Variants in SRRM4 observed in about 807,000 individuals in gnomAD.
SRRM4 encodes the protein serine/arginine repetitive matrix protein 4.
A neutral mutation model predicts 68.9 loss-of-function variants in SRRM4; 33 were observed. The observed-to-expected ratio is 0.48, with a 90% CI of 0.36 to 0.64. The LOEUF (loss-of-function observed/expected upper bound fraction) is 0.64. SRRM4 is among the 30% of genes least tolerant of loss of function. SRRM4 has a pLI of 0.00. For missense variants in SRRM4, 817 were observed against 827.1 expected, an observed-to-expected ratio of 0.99 and a Z score of 0.15; for synonymous variants, 318 against 318.8, an observed-to-expected ratio of 1.00 and a Z score of 0.03.
intron 1 of SRRM4, among the ~76,000 whole-genome samples, chr12:119,022,843 G>A (rs963271931): frequency 6.6e-6 from 1 of 152,132 alleles, no homozygotes; most frequent in Non-Finnish European, 1.5e-5. Context: ...TTGGTTAATT[G>A]AGCAACTCAA....
At chr12:118,986,454 C>T (rs778630476) in intron 1 of SRRM4, among the ~76,000 whole-genome samples, 7 of 152,226 alleles carry the variant, frequency 4.6e-5, no homozygotes, top group East Asian at 3.9e-4. Context: ...TCTTAGAGAA[C>T]GAGGTTGTGG....
In SRRM4 at chr12:119,156,624, T is replaced by C. The variant is rs1452220207; in HGVS notation, c.1662T>C (p.Ser554=). 1.4e-5 allele frequency: 23 copies of C among 1,602,974 alleles called. 2 individuals are homozygous for C. In the South Asian group the frequency reaches 1.5e-4, roughly 10 times the overall value. Residue 554 remains serine (S), a synonymous_variant, in exon 13 of 13, where the codon AGT becomes AGC. Transcript: ENST00000267260. ...GCCGCAGCTACTCCCGGAGCCGGAG[T>C]CGGAGCCGGAGCCGGAGACGGAGCC... ...SASRSYSRSR[S]RSRSRRRSRT...
intron 1 of SRRM4, among the ~76,000 whole-genome samples, chr12:119,066,000 G>C (rs1953843542): frequency 6.6e-6 from 1 of 152,156 alleles, no homozygotes; most frequent in Admixed American, 6.5e-5. Context: ...TTCAATTCCT[G>C]TCTGCCTTTG....
At chr12:119,024,669 C>G (rs966278339) in intron 1 of SRRM4, among the ~76,000 whole-genome samples, 15 of 152,196 alleles carry the variant, frequency 9.9e-5, no homozygotes, top group Non-Finnish European at 2.2e-4. Context: ...CTGAGCTTCC[C>G]TGGGGCTAAG....
At chr12:119,144,054 C>T (rs1787290572) in intron 8 of SRRM4, among the ~76,000 whole-genome samples, 1 of 152,110 alleles carries the variant, frequency 6.6e-6, no homozygotes, top group Admixed American at 6.5e-5. Flanking sequence ...AACGCGTGCC[C>T]GCCTTCCCAA....
At chr12:119,058,372 A>T (rs900371473) in intron 1 of SRRM4, among the ~76,000 whole-genome samples, 2 of 152,228 alleles carry the variant, frequency 1.3e-5, no homozygotes, top group Non-Finnish European at 2.9e-5. Flanking sequence ...CAGACACTGT[A>T]TTCAGTGCCT....
chr12:119,045,841 C>A (rs899458077), intron 1 of SRRM4, among the ~76,000 whole-genome samples: 9 of 151,944 alleles, frequency 5.9e-5, no homozygotes, highest in Non-Finnish European at 1.3e-4. Context: ...AGTTCAAGAC[C>A]AGCCTGGCCA....
At chr12:119,091,322 C>T (rs1463803429) in intron 1 of SRRM4, among the ~76,000 whole-genome samples, 1 of 152,176 alleles carries the variant, frequency 6.6e-6, no homozygotes, top group Non-Finnish European at 1.5e-5. Flanking sequence ...AGGATCATTT[C>T]TAGGTTCTGA....
At chr12:119,127,301 A>G (rs1483878082) in intron 7 of SRRM4, among the ~76,000 whole-genome samples, 2 of 152,214 alleles carry the variant, frequency 1.3e-5, no homozygotes, top group African/African-American at 2.4e-5. Flanking sequence ...TCCAGCTTCC[A>G]GATGTGAGGA....
intron 2 of SRRM4, among the ~76,000 whole-genome samples, chr12:119,104,057 T>G (rs1954093107): frequency 6.6e-6 from 1 of 152,200 alleles, no homozygotes; most frequent in Admixed American, 6.5e-5. Flanking sequence ...GTACAAATCT[T>G]GACCCTGTCA....
intron 8 of SRRM4, 67 bp downstream of exon 8, chr12:119,130,901 G>A: frequency 1.3e-6 from 2 of 1,505,788 alleles, no homozygotes; most frequent in Non-Finnish European, 1.8e-6. Context: ...GGAGGCACAA[G>A]TTCAGGGCAG....
chr12:119,028,141 T>A (rs1418513848), intron 1 of SRRM4, among the ~76,000 whole-genome samples: 1 of 152,196 alleles, frequency 6.6e-6, no homozygotes, highest in Non-Finnish European at 1.5e-5. Context: ...GGATTTGCAT[T>A]TCTAACAAGT....
intron 1 of SRRM4, among the ~76,000 whole-genome samples, chr12:119,062,844 C>T (rs1008188234): frequency 6.6e-6 from 1 of 152,122 alleles, no homozygotes; most frequent in Non-Finnish European, 1.5e-5. Flanking sequence ...ATTAGTGGCC[C>T]TAGGCAATGG....
intron 1 of SRRM4, among the ~76,000 whole-genome samples, chr12:118,982,667 TTGTTTTTTTTTG>T (rs1435751474): frequency 1.2e-5 from 1 of 81,208 alleles, no homozygotes; most frequent in East Asian, 2.4e-4. Context: ...GAGTTTTATT[TTGTTTTTTTTTG>T]TTTTTTTTTT....
At chr12:119,125,001 A>G (rs1009379359) in intron 6 of SRRM4, among the ~76,000 whole-genome samples, 4 of 152,184 alleles carry the variant, frequency 2.6e-5, no homozygotes, top group African/African-American at 9.7e-5. Flanking sequence ...GGGCTGATCC[A>G]CATATTTATG....
At chr12:119,085,442 T>C (rs952726258) in intron 1 of SRRM4, among the ~76,000 whole-genome samples, 2 of 152,240 alleles carry the variant, frequency 1.3e-5, no homozygotes, top group Admixed American at 1.3e-4. Context: ...TTGAGTTTCA[T>C]GTTCTGCTGC....
intron 1 of SRRM4, among the ~76,000 whole-genome samples, chr12:119,015,954 C>T (rs942797551): frequency 6.6e-6 from 1 of 152,088 alleles, no homozygotes; most frequent in Non-Finnish European, 1.5e-5. Flanking sequence ...CACCAAGAAC[C>T]TTTGAATGCG....
chr12:119,039,972 C>T (rs1594038991), intron 1 of SRRM4, among the ~76,000 whole-genome samples: 1 of 152,134 alleles, frequency 6.6e-6, no homozygotes, highest in Non-Finnish European at 1.5e-5. Flanking sequence ...TCTCTGACTA[C>T]TTGGATGCCA....
At chr12:119,043,922 A>T (rs558276190) in intron 1 of SRRM4, among the ~76,000 whole-genome samples, 6 of 151,870 alleles carry the variant, frequency 4.0e-5, no homozygotes, top group African/African-American at 9.7e-5. Context: ...CTGGAGTGCA[A>T]TGGCGCGATC....
Sources: allele counts gnomAD v4.1 joint callset (sites outside exome capture counted in the v4.1 genomes callset), GRCh38; gene constraint gnomAD v4.1.1; transcripts MANE v1.5; gene names NCBI Gene and HGNC (gene_info 2026-07-23, HGNC 2026-07-21).